GABRG2: variants seen among roughly 807,000 people sequenced by gnomAD.
The protein encoded by GABRG2 is gamma-aminobutyric acid type A receptor subunit gamma2, also known as gamma-aminobutyric acid receptor subunit gamma-2.
A neutral mutation model predicts 56.4 loss-of-function variants in GABRG2; 16 were observed. That is an observed-to-expected ratio of 0.28 (90% CI 0.19 to 0.43). The LOEUF is 0.43. Ranked by LOEUF, GABRG2 falls within the 20% of genes least tolerant of loss-of-function variation. The pLI is 1.00. For synonymous variants in GABRG2, 208 were observed against 205.5 expected, an observed-to-expected ratio of 1.01 and a Z score of -0.10; for missense variants, 327 against 582.7, an observed-to-expected ratio of 0.56 and a Z score of 4.52.
intron 7 of GABRG2, 111 bp downstream of exon 7, chr5:162,142,427 G>A: frequency 4.5e-6 from 5 of 1,115,752 alleles, no homozygotes; most frequent in Middle Eastern, 2.4e-4. Flanking sequence ...CAATTGCATA[G>A]AAATACCATT....
intron 1 of GABRG2, among the ~76,000 whole-genome samples, chr5:162,075,863 C>G (rs2113147708): frequency 6.6e-6 from 1 of 152,148 alleles, no homozygotes; most frequent in East Asian, 1.9e-4. Flanking sequence ...TGATGACCCT[C>G]AGTCAACCAG....
intron 1 of GABRG2, among the ~76,000 whole-genome samples, chr5:162,074,445 C>T (rs1758925029): frequency 6.6e-6 from 1 of 151,890 alleles, no homozygotes; most frequent in Admixed American, 6.6e-5. Context: ...GCCATGAACC[C>T]AAGTGTTGCT....
chr5:162,091,871 T>C (rs1404217521), intron 1 of GABRG2, among the ~76,000 whole-genome samples: 1 of 152,082 alleles, frequency 6.6e-6, no homozygotes, highest in Non-Finnish European at 1.5e-5. Flanking sequence ...TTCCCTTTTC[T>C]TGAAGAAAAT....
chr5:162,126,370 G>C (rs1197567093), intron 6 of GABRG2, among the ~76,000 whole-genome samples: 2 of 152,070 alleles, frequency 1.3e-5, no homozygotes, highest in East Asian at 3.9e-4. Context: ...GTGGGTCCCT[G>C]ATAAATGGAA....
intron 8 of GABRG2, chr5:162,150,590 T>A (rs1765298088): frequency 6.6e-6 from 1 of 152,156 alleles, no homozygotes; most frequent in Admixed American, 6.6e-5. Context: ...GCAAAGAGAA[T>A]CACCTGACAA....
chr5:162,133,240 C>T (rs1046908402), intron 6 of GABRG2, among the ~76,000 whole-genome samples: 4 of 152,138 alleles, frequency 2.6e-5, no homozygotes, highest in African/African-American at 9.7e-5. Context: ...CTATGTACCA[C>T]TTTTTCTATA....
chr5:162,132,944 G>A (rs1763861239), intron 6 of GABRG2, among the ~76,000 whole-genome samples: 1 of 151,982 alleles, frequency 6.6e-6, no homozygotes, highest in East Asian at 1.9e-4. Flanking sequence ...TAATTAGTCT[G>A]TTCCTCAGAA....
At chr5:162,090,346 T>TACACAA (rs1240968246) in intron 1 of GABRG2, among the ~76,000 whole-genome samples, 22 of 151,646 alleles carry the variant, frequency 1.5e-4, no homozygotes, top group African/African-American at 5.1e-4. Flanking sequence ...CACATACACA[T>TACACAA]ACACATACAT....
intron 1 of GABRG2, among the ~76,000 whole-genome samples, chr5:162,075,844 G>C (rs921022384): frequency 1.3e-5 from 2 of 151,958 alleles, no homozygotes; most frequent in African/African-American, 2.4e-5. Flanking sequence ...ACTTGATCAG[G>C]GTTCAGTTTG....
chr5:162,072,364 C>A (rs188954604), intron 1 of GABRG2, among the ~76,000 whole-genome samples: 21 of 152,064 alleles, frequency 1.4e-4, no homozygotes, highest in Admixed American at 1.4e-3. Flanking sequence ...ACATACTTAT[C>A]GTTCTCCAAA....
intron 6 of GABRG2, among the ~76,000 whole-genome samples, chr5:162,107,087 C>A (rs569976830): frequency 2.6e-5 from 4 of 152,132 alleles, no homozygotes; most frequent in African/African-American, 9.7e-5. Flanking sequence ...CCCCCACTTA[C>A]AAGTGAGAAC....
intron 1 of GABRG2, 32 bp downstream of exon 1, chr5:162,068,138 T>C: frequency 6.6e-7 from 1 of 1,505,900 alleles, no homozygotes; most frequent in Non-Finnish European, 9.2e-7. Flanking sequence ...GTCGTTTTGT[T>C]CTGAAGAGGT....
At chr5:162,121,191 A>C (rs1159300739) in intron 6 of GABRG2, among the ~76,000 whole-genome samples, 2 of 152,136 alleles carry the variant, frequency 1.3e-5, no homozygotes, top group Admixed American at 1.3e-4. Flanking sequence ...TGCTGAGTTT[A>C]ATATTCATCT....
At chr5:162,150,726 C>T (rs1462116227) in intron 8 of GABRG2, 3 of 152,124 alleles carry the variant, frequency 2.0e-5, no homozygotes, top group African/African-American at 7.2e-5. Context: ...GATGCAGCTG[C>T]AGAAACCCAA....
At chr5:162,121,799 A>G (rs1762995582) in intron 6 of GABRG2, among the ~76,000 whole-genome samples, 1 of 152,032 alleles carries the variant, frequency 6.6e-6, no homozygotes, top group Admixed American at 6.6e-5. Flanking sequence ...AATCTTGCAA[A>G]TAGGGAGAAA....
At chr5:162,092,783 G>A (rs1198132764) in intron 1 of GABRG2, among the ~76,000 whole-genome samples, 2 of 152,110 alleles carry the variant, frequency 1.3e-5, no homozygotes, top group South Asian at 4.1e-4. Context: ...AGGTAAAGAT[G>A]GGGGCAGGGG....
chr5:162,076,711 T>C (rs1036731946), intron 1 of GABRG2, among the ~76,000 whole-genome samples: 1 of 152,160 alleles, frequency 6.6e-6, no homozygotes, highest in South Asian at 2.1e-4. Flanking sequence ...CAGGTCTATA[T>C]TGGACAGCAT....
At chr5:162,127,116 A>T (rs761805816) in intron 6 of GABRG2, among the ~76,000 whole-genome samples, 6 of 152,012 alleles carry the variant, frequency 3.9e-5, no homozygotes, top group Non-Finnish European at 5.9e-5. Flanking sequence ...AAGTACAGAC[A>T]CGTAAGTAAT....
chr5:162,089,033 C>G (rs1350613672), intron 1 of GABRG2, among the ~76,000 whole-genome samples: 2 of 152,002 alleles, frequency 1.3e-5, no homozygotes, highest in Non-Finnish European at 2.9e-5. Context: ...GTGATAAATT[C>G]TATGAAACAA....
Sources: allele counts gnomAD v4.1 joint callset (sites outside exome capture counted in the v4.1 genomes callset), GRCh38; gene constraint gnomAD v4.1.1; transcripts MANE v1.5; gene names NCBI Gene and HGNC (gene_info 2026-07-23, HGNC 2026-07-21).